The following DAB1 variants were observed in gnomAD, a reference collection of about 807,000 sequenced individuals.
DAB1 encodes the protein DAB adaptor protein 1.
In DAB1, 15 loss-of-function variants were observed where a neutral mutation model predicts 64.6. That is an observed-to-expected ratio of 0.23 (90% CI 0.16 to 0.36). DAB1 has a LOEUF of 0.36. DAB1 is among the 10% of genes least tolerant of loss of function. The pLI is 1.00. For synonymous variants in DAB1, 235 were observed against 251.9 expected (o/e 0.93, Z 0.64); for missense variants, 596 against 706.7 (o/e 0.84, Z 1.78).
At chr1:57,116,584 C>T (rs140951870) in intron 4 of DAB1, among the ~76,000 whole-genome samples, 56 of 151,554 alleles carry the variant, frequency 3.7e-4, no homozygotes, top group Non-Finnish European at 6.3e-4. Flanking sequence ...TTTTATTATC[C>T]AAGTGGCCAA....
chr1:57,535,171 A>G (rs1184973137), intron 7 of DAB1, among the ~76,000 whole-genome samples: 1 of 152,084 alleles, frequency 6.6e-6, no homozygotes, highest in Non-Finnish European at 1.5e-5. Context: ...GTTAAATACA[A>G]TTATTGAGCT....
intron 1 of DAB1, among the ~76,000 whole-genome samples, chr1:58,528,405 T>C (rs993779897): frequency 1.4e-4 from 22 of 152,314 alleles, no homozygotes; most frequent in Admixed American, 1.0e-3. Context: ...GGGGATTAAA[T>C]GAACAAAAAT....
At chr1:57,195,689 C>T (rs1424708839) in intron 2 of DAB1, among the ~76,000 whole-genome samples, 1 of 152,226 alleles carries the variant, frequency 6.6e-6, no homozygotes, top group Non-Finnish European at 1.5e-5. Context: ...TTCATTAAAG[C>T]ATCTCCTAAT....
intron 1 of DAB1, among the ~76,000 whole-genome samples, chr1:57,380,865 T>C (rs1183350045): frequency 6.6e-6 from 1 of 152,188 alleles, no homozygotes; most frequent in Non-Finnish European, 1.5e-5. Context: ...AAGTCCTCCT[T>C]CAAACTCCAG....
chr1:57,662,852 A>G (rs887139336), intron 6 of DAB1, among the ~76,000 whole-genome samples: 8 of 152,234 alleles, frequency 5.3e-5, no homozygotes, highest in African/African-American at 1.9e-4. Context: ...TTTGATATTC[A>G]TTCTGACTAC....
chr1:57,141,104 C>A (rs140605834), intron 3 of DAB1, among the ~76,000 whole-genome samples: 57 of 152,246 alleles, frequency 3.7e-4, no homozygotes, highest in South Asian at 2.1e-3. Flanking sequence ...GTAATAAGCC[C>A]GGTCTCCATT....
chr1:57,971,061 G>A (rs1645784362), intron 5 of DAB1, among the ~76,000 whole-genome samples: 1 of 152,164 alleles, frequency 6.6e-6, no homozygotes, highest in South Asian at 2.1e-4. Context: ...GGAGGTGGGT[G>A]TTACATCATC....
intron 2 of DAB1, among the ~76,000 whole-genome samples, chr1:57,251,502 GTTTAGTGTATTATATAGCCAA>G (rs1401055665): frequency 6.6e-6 from 1 of 152,156 alleles, no homozygotes; most frequent in Non-Finnish European, 1.5e-5. Context: ...GTATTGAAAG[GTTTAGTGTATTATATAGCCAA>G]TCACCTCGAG....
intron 4 of DAB1, among the ~76,000 whole-genome samples, chr1:57,084,200 G>GA (rs1436482360): frequency 1.3e-5 from 2 of 152,208 alleles, no homozygotes; most frequent in African/African-American, 4.8e-5. Context: ...GATTCAATAT[G>GA]AATGGTGTCC....
chr1:57,070,822 A>C, intron 7 of DAB1: 1 of 604,322 alleles, frequency 1.7e-6, no homozygotes. Context: ...TCCAAATCCC[A>C]AGATACCGAT....
chr1:57,755,688 C>T (rs1007232600), intron 6 of DAB1, among the ~76,000 whole-genome samples: 15 of 152,118 alleles, frequency 9.9e-5, no homozygotes, highest in Non-Finnish European at 1.2e-4. Flanking sequence ...TTCAGAATGT[C>T]TTCTTCTTGT....
intron 3 of DAB1, among the ~76,000 whole-genome samples, chr1:58,457,736 T>C (rs984058547): frequency 4.6e-5 from 7 of 152,154 alleles, no homozygotes; most frequent in African/African-American, 1.4e-4. Context: ...CTGTGGCCCA[T>C]TAAAGATGTA....
intron 7 of DAB1, among the ~76,000 whole-genome samples, chr1:57,484,000 G>C (rs537050113): frequency 1.1e-4 from 17 of 152,174 alleles, no homozygotes; most frequent in Non-Finnish European, 2.4e-4. Context: ...GGAACCGTGA[G>C]GGTACAATGA....
intron 7 of DAB1, among the ~76,000 whole-genome samples, chr1:57,521,548 G>A (rs532656039): frequency 1.2e-4 from 19 of 152,200 alleles, no homozygotes; most frequent in Non-Finnish European, 2.4e-4. Context: ...TCAAATCTCT[G>A]TTTTAAAAAA....
At chr1:58,479,304 G>T (rs980697605) in intron 3 of DAB1, among the ~76,000 whole-genome samples, 9 of 152,158 alleles carry the variant, frequency 5.9e-5, no homozygotes, top group African/African-American at 1.9e-4. Context: ...TGTAAAAAAT[G>T]ATTATATGGA....
intron 7 of DAB1, among the ~76,000 whole-genome samples, chr1:57,563,648 C>T (rs1391542974): frequency 2.0e-5 from 3 of 152,180 alleles, no homozygotes; most frequent in Admixed American, 2.0e-4. Flanking sequence ...TTATATCCTG[C>T]ACCTGGCTCG....
chr1:57,597,109 T>C (rs997478674), intron 7 of DAB1, among the ~76,000 whole-genome samples: 1 of 152,210 alleles, frequency 6.6e-6, no homozygotes, highest in African/African-American at 2.4e-5. Flanking sequence ...AGTTCTTTAA[T>C]TCCAGTCACC....
At chr1:57,163,379 C>T (rs1476661917) in intron 2 of DAB1, among the ~76,000 whole-genome samples, 1 of 151,870 alleles carries the variant, frequency 6.6e-6, no homozygotes, top group African/African-American at 2.4e-5. Context: ...GGCAGTCATG[C>T]CAGGAGGGAA....
At chr1:57,077,893 A>T (rs1400439211) in intron 4 of DAB1, among the ~76,000 whole-genome samples, 1 of 152,144 alleles carries the variant, frequency 6.6e-6, no homozygotes, top group Non-Finnish European at 1.5e-5. Context: ...TTCACAGGAA[A>T]AATACCCAAC....
Sources: gnomAD v4.1 joint callset for allele counts (sites outside exome capture counted in the v4.1 genomes callset) on GRCh38, gnomAD v4.1.1 for gene constraint, MANE v1.5 for transcripts, NCBI Gene and HGNC (gene_info 2026-07-23, HGNC 2026-07-21) for gene names.